Variants in CTIF observed in about 807,000 individuals in gnomAD.
The protein encoded by CTIF is cap binding complex dependent translation initiation factor.
Under a neutral mutation model 66.0 loss-of-function variants are expected in CTIF, and 21 were observed. That is an observed-to-expected ratio of 0.32 (90% CI 0.23 to 0.46). The LOEUF (loss-of-function observed/expected upper bound fraction) is 0.46. Ranked by LOEUF, CTIF falls within the 20% of genes least tolerant of loss-of-function variation. The probability of loss-of-function intolerance (pLI) is 1.00; values close to 1 mark genes in which losing one functional copy is unlikely to be tolerated. For missense variants in CTIF, 739 were observed against 812.7 expected (o/e 0.91, Z 1.10); for synonymous variants, 345 against 326.4 (o/e 1.06, Z -0.62).
chr18:48,623,551 T>A (rs201601948), intron 2 of CTIF, among the ~76,000 whole-genome samples: 1 of 151,054 alleles, frequency 6.6e-6, no homozygotes, highest in Admixed American at 6.6e-5. Context: ...TTTTTTTTTT[T>A]AATCTGATGA....
intron 9 of CTIF, among the ~76,000 whole-genome samples, chr18:48,801,331 G>A (rs1026232366): frequency 1.3e-5 from 2 of 152,202 alleles, no homozygotes; most frequent in African/African-American, 2.4e-5. Context: ...AGACGCAAAC[G>A]TTGGTCTCCC....
intron 7 of CTIF, among the ~76,000 whole-genome samples, chr18:48,741,837 G>A (rs895725736): frequency 2.0e-5 from 3 of 152,072 alleles, no homozygotes; most frequent in Non-Finnish European, 2.9e-5. Flanking sequence ...TCTTCCCTTG[G>A]GCCACACTCA....
intron 7 of CTIF, among the ~76,000 whole-genome samples, chr18:48,730,690 C>T (rs2092446151): frequency 6.8e-6 from 1 of 146,786 alleles, no homozygotes; most frequent in Non-Finnish European, 1.5e-5. Context: ...GTGTGAGGAG[C>T]CCCTGAGGTG....
intron 7 of CTIF, among the ~76,000 whole-genome samples, chr18:48,752,732 C>G (rs1907958818): frequency 1.3e-5 from 2 of 152,312 alleles, no homozygotes; most frequent in South Asian, 4.1e-4. Flanking sequence ...ATACCCCAGA[C>G]AGACCTGGCA....
intron 10 of CTIF, among the ~76,000 whole-genome samples, chr18:48,835,689 G>C (rs1307063963): frequency 6.6e-6 from 1 of 152,148 alleles, no homozygotes. Flanking sequence ...GGGCACACTG[G>C]AGATCATCTG....
chr18:48,825,381 G>C (rs1302937473), intron 10 of CTIF, among the ~76,000 whole-genome samples: 1 of 152,210 alleles, frequency 6.6e-6, no homozygotes, highest in East Asian at 1.9e-4. Context: ...GCAGGCACAG[G>C]CCAGGGAGGA....
intron 6 of CTIF, among the ~76,000 whole-genome samples, chr18:48,686,793 G>A (rs998519022): frequency 2.0e-5 from 3 of 152,128 alleles, no homozygotes; most frequent in South Asian, 2.1e-4. Context: ...TTGAGTCCTC[G>A]GAGATTTGCA....
At chr18:48,782,283 A>T (rs1295930599) in intron 9 of CTIF, among the ~76,000 whole-genome samples, 1 of 152,012 alleles carries the variant, frequency 6.6e-6, no homozygotes, top group African/African-American at 2.4e-5. Flanking sequence ...AGGGGAAGCC[A>T]TATGAAGCCC....
In CTIF at chr18:48,744,219, G is replaced by A. The variant is rs532293813; in HGVS notation, c.585-13700G>A. 1.3e-5 allele frequency among the ~76,000 whole-genome samples: 2 copies of A among 152,282 alleles called. 1 individual carries two copies. The highest frequency in any genetic ancestry group is 4.1e-4 in the South Asian group (2 of 4,826). On this transcript the variant is annotated intron_variant, in intron 7 of 11. Transcript: ENST00000256413. ...GAGCTCTGTGTTCAACCCTGGTAGC[G>A]CCATCCTACGGTGAGGGGTCTCTGC...
intron 10 of CTIF, among the ~76,000 whole-genome samples, chr18:48,846,395 A>G (rs1001495975): frequency 6.6e-6 from 1 of 152,196 alleles, no homozygotes; most frequent in African/African-American, 2.4e-5. Flanking sequence ...TTATCCCTGT[A>G]CTTACGTAGC....
chr18:48,614,016 G>A (rs1240928213), intron 1 of CTIF, among the ~76,000 whole-genome samples: 1 of 152,194 alleles, frequency 6.6e-6, no homozygotes, highest in East Asian at 1.9e-4. Flanking sequence ...GGAGAGGAGG[G>A]GAGAGGCGTG....
intron 9 of CTIF, among the ~76,000 whole-genome samples, chr18:48,779,661 C>T (rs1231689235): frequency 6.6e-6 from 1 of 152,220 alleles, no homozygotes; most frequent in Non-Finnish European, 1.5e-5. Context: ...CGCTTAGCAG[C>T]GGGCTTGGGT....
intron 7 of CTIF, among the ~76,000 whole-genome samples, chr18:48,749,293 G>A (rs1907561138): frequency 6.6e-6 from 1 of 152,246 alleles, no homozygotes; most frequent in South Asian, 2.1e-4. Flanking sequence ...CAGGCTTTGG[G>A]CTGGGGATAA....
chr18:48,826,176 G>T (rs2068578642), intron 10 of CTIF: 1 of 152,182 alleles, frequency 6.6e-6, no homozygotes, highest in Non-Finnish European at 1.5e-5. Context: ...CTTAAAATAA[G>T]CGAGGTGTTT....
chr18:48,633,813 T>C (rs894401096), intron 2 of CTIF, among the ~76,000 whole-genome samples: 1 of 152,206 alleles, frequency 6.6e-6, no homozygotes, highest in African/African-American at 2.4e-5. Flanking sequence ...AGTTTTTGTT[T>C]TGGAATTATT....
intron 9 of CTIF, among the ~76,000 whole-genome samples, chr18:48,788,344 C>T (rs76684469): frequency 0.011 from 1,608 of 152,194 alleles, 34 homozygotes; most frequent in African/African-American, 0.036. Flanking sequence ...GGGGCAGACA[C>T]CAACATTTCA....
chr18:48,741,499 C>A (rs952521410), intron 7 of CTIF, among the ~76,000 whole-genome samples: 2 of 149,920 alleles, frequency 1.3e-5, no homozygotes. Context: ...TCTCGGCTCA[C>A]TGCAACCTCC....
intron 2 of CTIF, 100 bp from the exon 3 acceptor site, chr18:48,636,514 A>G: frequency 1.3e-6 from 1 of 796,682 alleles, no homozygotes; most frequent in East Asian, 3.3e-5. Flanking sequence ...TTCCACAGTC[A>G]TGCTAATGGG....
intron 7 of CTIF, among the ~76,000 whole-genome samples, chr18:48,725,533 C>A (rs1462563656): frequency 6.6e-6 from 1 of 152,120 alleles, no homozygotes; most frequent in African/African-American, 2.4e-5. Context: ...TCCCACCACC[C>A]CCTTAGGGTG....
Sources: gnomAD v4.1 joint callset for allele counts (sites outside exome capture counted in the v4.1 genomes callset) on GRCh38, gnomAD v4.1.1 for gene constraint, MANE v1.5 for transcripts, NCBI Gene and HGNC (gene_info 2026-07-23, HGNC 2026-07-21) for gene names.